KIRREL3: variants seen among roughly 807,000 people sequenced by gnomAD.
KIRREL3 encodes kin of IRRE-like protein 3.
Under a neutral mutation model 89.7 loss-of-function variants are expected in KIRREL3, and 36 were observed. The observed-to-expected ratio is 0.40, with a 90% confidence interval of 0.31 to 0.53. The LOEUF is 0.53. Ranked by LOEUF, KIRREL3 falls within the 20% of genes least tolerant of loss-of-function variation. The probability of loss-of-function intolerance (pLI) is 0.49; values close to 1 mark genes in which losing one functional copy is unlikely to be tolerated. For missense variants in KIRREL3, 864 were observed against 1,056.6 expected (o/e 0.82, Z 2.53); for synonymous variants, 445 against 441.4 (o/e 1.01, Z -0.10).
intron 1 of KIRREL3, among the ~76,000 whole-genome samples, chr11:126,781,663 T>C (rs903819098): frequency 1.3e-5 from 2 of 152,164 alleles, no homozygotes; most frequent in African/African-American, 2.4e-5. Context: ...AGAAATCACA[T>C]TGTGGAAGGT....
In KIRREL3 at chr11:126,676,833, G is replaced by T. The variant is rs1400220162; in HGVS notation, c.56-113921C>A. Among the ~76,000 whole-genome samples the T allele has an allele frequency of 6.6e-6, 1 of 151,474 alleles. No homozygotes were observed. On this transcript the variant is annotated intron_variant, in intron 1 of 16. Transcript: ENST00000525144. The surrounding 1 kb of genome is among the most constrained non-coding windows in gnomAD (Gnocchi z 4.5). Reference sequence around the variant, plus strand: ...AGAGTCTCCCTCTGCCATCTGGACTGGTATACAGTGGCTCAACCACAGGTC... The same window carrying T: ...AGAGTCTCCCTCTGCCATCTGGACTTGTATACAGTGGCTCAACCACAGGTC...
At chr11:126,478,913 T>G (rs1957152280) in intron 4 of KIRREL3, among the ~76,000 whole-genome samples, 1 of 152,176 alleles carries the variant, frequency 6.6e-6, no homozygotes, top group Admixed American at 6.5e-5. Flanking sequence ...TCTGCGCTGC[T>G]GTGGCATCAG....
chr11:126,516,944 G>T lies in KIRREL3; in HGVS notation c.433+4371C>A, dbSNP rs1194950386. Among the ~76,000 whole-genome samples the T allele has an allele frequency of 6.6e-6, 1 of 152,116 alleles. No individual in the cohort carries two copies. Among genetic ancestry groups the T allele is most frequent in the Non-Finnish European group, 1.5e-5 (1 of 68,030 alleles). The stretch of plus-strand genomic sequence containing the variant: ...ATACAAAAATTAGCCAGGCGTGGTG[G>T]CACGTGCCTGTAATCCCAGCTACTC... On this transcript the variant is annotated intron_variant, in intron 4 of 16. Transcript: ENST00000525144. This position sits in a 1 kb window ranked among gnomAD's most constrained non-coding sequence, Gnocchi z 4.9.
At chr11:126,549,979 C>T (rs995964981) in intron 2 of KIRREL3, 1 of 152,372 alleles carries the variant, frequency 6.6e-6, no homozygotes, top group East Asian at 1.9e-4. Context: ...CACTCCTCTC[C>T]TGGCCTACAG....
chr11:126,832,279 T>C (rs1943633974), intron 1 of KIRREL3, among the ~76,000 whole-genome samples: 1 of 152,162 alleles, frequency 6.6e-6, no homozygotes, highest in Non-Finnish European at 1.5e-5. Flanking sequence ...GAGCGTCTAC[T>C]AGTGTAAGGC....
In KIRREL3 at chr11:126,564,548, C is replaced by T. The variant is rs1410469505; in HGVS notation, c.56-1636G>A. ...CAAAGGCACTCACTTCTCTTCCTTCCCCTCCACACTGGCGTCTGAAGGCTT... is the reference window on the plus strand; with the variant it reads ...CAAAGGCACTCACTTCTCTTCCTTCTCCTCCACACTGGCGTCTGAAGGCTT... On this transcript the variant is annotated intron_variant, in intron 1 of 16. Transcript: ENST00000525144. This position sits in a 1 kb window ranked among gnomAD's most constrained non-coding sequence, Gnocchi z 7.4. Among the ~76,000 whole-genome samples, 2 of 152,176 alleles carry T rather than the reference C, an allele frequency of 1.3e-5. No individual in the cohort carries two copies. Among genetic ancestry groups the T allele is most frequent in the Non-Finnish European group, 2.9e-5 (2 of 68,038 alleles).
At chr11:126,469,784 G>A (rs2134272805) in intron 5 of KIRREL3, among the ~76,000 whole-genome samples, 1 of 152,342 alleles carries the variant, frequency 6.6e-6, no homozygotes, top group South Asian at 2.1e-4. Flanking sequence ...CATGTCCAGG[G>A]ACACATTGAG....
At chr11:126,973,026 G>T (rs1029185903) in intron 1 of KIRREL3, among the ~76,000 whole-genome samples, 1 of 147,010 alleles carries the variant, frequency 6.8e-6, no homozygotes, top group Non-Finnish European at 1.5e-5. Context: ...ATAACTAAGG[G>T]CATTGCTGAA....
rs138416595 is a variant in KIRREL3, at chr11:126,921,527, G to C, written c.55+78928C>G. ...CTATCTGTAATCTATCTATCTGTCT[G>C]TCTGTCTTTCTTTTTCTTTCTATCT... On this transcript the variant is annotated intron_variant, in intron 1 of 16. Transcript: ENST00000525144. 7.5e-5 allele frequency among the ~76,000 whole-genome samples: 11 copies of C among 147,380 alleles called. No homozygotes were observed. The East Asian group carries it at 1.8e-3, about 24-fold the overall frequency.
At position 126,776,269 on chromosome 11, in the gene KIRREL3, G is replaced by A. The variant is rs1315848922; in HGVS notation, c.56-213357C>T. On this transcript the variant is annotated intron_variant, in intron 1 of 16. Transcript: ENST00000525144. This position sits in a 1 kb window ranked among gnomAD's most constrained non-coding sequence, Gnocchi z 4.7. ...CTCTTTGAACAGGGAGGAGCTGGAG[G>A]ACTTGGAAGGGAATGTGTGCTTCCG... 1.3e-5 allele frequency among the ~76,000 whole-genome samples: 2 copies of A among 152,188 alleles called. No homozygotes were observed. Among genetic ancestry groups the A allele is most frequent in the Non-Finnish European group, 2.9e-5 (2 of 68,034 alleles).
At chr11:126,826,295 G>C (rs1331195618) in intron 1 of KIRREL3, among the ~76,000 whole-genome samples, 1 of 152,014 alleles carries the variant, frequency 6.6e-6, no homozygotes, top group Non-Finnish European at 1.5e-5. Context: ...TTAGATGCTC[G>C]GTAACTGCTT....
At chr11:126,746,298 T>A (rs1337763217) in intron 1 of KIRREL3, among the ~76,000 whole-genome samples, 1 of 152,212 alleles carries the variant, frequency 6.6e-6, no homozygotes, top group Non-Finnish European at 1.5e-5. Context: ...GGAGAAACTA[T>A]GTAAAACAAA....
intron 1 of KIRREL3, among the ~76,000 whole-genome samples, chr11:126,716,923 CGGGA>C (rs927676296): frequency 4.1e-4 from 63 of 151,976 alleles, no homozygotes; most frequent in African/African-American, 1.4e-3. Context: ...CCTGGGAAGG[CGGGA>C]ATGAGCCTAG....
chr11:126,708,063 C>T lies in KIRREL3; in HGVS notation c.56-145151G>A, dbSNP rs750577243. Among the ~76,000 whole-genome samples the T allele has an allele frequency of 2.6e-5, 4 of 152,154 alleles. No individual in the cohort carries two copies. The highest frequency in any genetic ancestry group is 4.4e-5 in the Non-Finnish European group (3 of 68,024). On this transcript the variant is annotated intron_variant, in intron 1 of 16. Transcript: ENST00000525144. The surrounding 1 kb of genome is among the most constrained non-coding windows in gnomAD (Gnocchi z 5.7). ...CCGCATCCCTGAAGCAGGTGATGATCTCCATAGGTCCCAGGGTATCCGTGC... is the reference window on the plus strand; with the variant it reads ...CCGCATCCCTGAAGCAGGTGATGATTTCCATAGGTCCCAGGGTATCCGTGC...
chr11:126,676,737 G>A lies in KIRREL3; in HGVS notation c.56-113825C>T, dbSNP rs1946206802. The stretch of plus-strand genomic sequence containing the variant: ...GACCCAGGGCTTCCCATGGCAACAT[G>A]TGGTGTTGTTTTTACTACTGCAACT... On this transcript the variant is annotated intron_variant, in intron 1 of 16. Transcript: ENST00000525144. This position sits in a 1 kb window ranked among gnomAD's most constrained non-coding sequence, Gnocchi z 4.5. Among the ~76,000 whole-genome samples, 1 of 151,884 alleles carries A rather than the reference G, an allele frequency of 6.6e-6. No homozygotes were observed. Among genetic ancestry groups the A allele is most frequent in the Admixed American group, 6.6e-5 (1 of 15,254 alleles).
intron 4 of KIRREL3, among the ~76,000 whole-genome samples, chr11:126,511,556 G>C (rs938521812): frequency 1.3e-5 from 2 of 152,172 alleles, no homozygotes; most frequent in Non-Finnish European, 2.9e-5. Context: ...TGGGCATTGC[G>C]TCTTCTGCTT....
At chr11:126,556,711 G>A (rs1367383363) in intron 2 of KIRREL3, among the ~76,000 whole-genome samples, 9 of 152,150 alleles carry the variant, frequency 5.9e-5, no homozygotes, top group Non-Finnish European at 1.3e-4. Context: ...CCTGGTAGGA[G>A]GTAGGAAAGG....
At chr11:126,862,585 A>C (rs7113642) in intron 1 of KIRREL3, among the ~76,000 whole-genome samples, 131,294 of 152,210 alleles carry the variant, frequency 0.86, 56,985 homozygotes, top group East Asian at 1. Context: ...GGGCAGTGAG[A>C]AGCCCTGATG....
At position 126,869,653 on chromosome 11, in the gene KIRREL3, C is replaced by T. The variant is rs534633803; in HGVS notation, c.55+130802G>A. 9.9e-5 allele frequency among the ~76,000 whole-genome samples: 15 copies of T among 152,242 alleles called. No individual in the cohort carries two copies. The East Asian group carries it at 1.4e-3, about 14-fold the overall frequency. ...ATGTTCACAGGGAGCTGGCTGCATC[C>T]GCCTCAGGGTGCTCTCATCATAGTG... On this transcript the variant is annotated intron_variant, in intron 1 of 16. Coordinates refer to ENST00000525144, the MANE Select transcript of KIRREL3 (RefSeq NM_032531.4).
Sources: gnomAD v4.1 joint callset for allele counts (sites outside exome capture counted in the v4.1 genomes callset) on GRCh38, gnomAD v4.1.1 for gene constraint, Gnocchi (gnomAD v3.1) non-coding constraint, MANE v1.5 for transcripts, NCBI Gene and HGNC (gene_info 2026-07-23, HGNC 2026-07-21) for gene names.